Variants in POLR3E observed in about 807,000 individuals in gnomAD.
The protein encoded by POLR3E is DNA-directed RNA polymerase III subunit RPC5.
In POLR3E, 41 loss-of-function variants were observed where a neutral mutation model predicts 96.6. That is an observed-to-expected ratio of 0.42 (90% CI 0.33 to 0.55). POLR3E has a LOEUF of 0.55. Among genes scored for constraint, POLR3E ranks in the 20% least tolerant of loss-of-function variants. The probability of loss-of-function intolerance (pLI) is 0.06; values close to 1 mark genes in which losing one functional copy is unlikely to be tolerated. For synonymous variants in POLR3E, 396 were observed against 383.6 expected (o/e 1.03, Z -0.38); for missense variants, 849 against 952.1 (o/e 0.89, Z 1.43).
chr16:22,303,791 T>TCA (rs2048077567), intron 2 of POLR3E, among the ~76,000 whole-genome samples: 1 of 147,258 alleles, frequency 6.8e-6, no homozygotes, highest in African/African-American at 2.5e-5. Flanking sequence ...CAGGTGCCCA[T>TCA]CACCACGCCC....
Position 22,305,198 on chromosome 16 carries a change from C to T in POLR3E, c.79C>T (p.Leu27=). ...CAAGAGTCTGGCGGAAAAGCTGTAT[C>T]TATTTCAGGTAATTATGGGACTTGA... The part of the protein sequence containing the change: ...LAKSLAEKLY[L]FQYPVRPASM... The change falls in exon 3 of 21, where the codon CTA becomes TTA. Residue 27 remains leucine (L), a synonymous_variant. Coordinates refer to ENST00000299853, the MANE Select transcript of POLR3E (RefSeq NM_018119.4). 6.2e-7 allele frequency: 1 copy of T among 1,611,076 alleles called. No homozygotes were observed. The highest frequency in any genetic ancestry group is 1.7e-5 in the Admixed American group (1 of 59,946).
At chr16:22,301,008 C>T (rs764502811) in intron 1 of POLR3E, among the ~76,000 whole-genome samples, 25 of 151,766 alleles carry the variant, frequency 1.6e-4, no homozygotes, top group Non-Finnish European at 2.8e-4. Flanking sequence ...TGGTGATAGA[C>T]ACCTGCTATG....
intron 2 of POLR3E, among the ~76,000 whole-genome samples, chr16:22,303,274 C>CCT (rs1228937618): frequency 5.3e-5 from 8 of 152,116 alleles, no homozygotes; most frequent in Non-Finnish European, 1.2e-4. Flanking sequence ...CCCTCCCGTG[C>CCT]CTCTCTCTGC....
rs766635425 is a variant in POLR3E, at chr16:22,326,042, A to G, written c.1630A>G (p.Ser544Gly). Residue 544 changes from serine (S) to glycine (G), a missense_variant, in exon 18 of 21, where the codon AGC (serine) becomes GGC (glycine). Physicochemically the swap from Ser to Gly is moderately conservative, Grantham distance 56 (BLOSUM62 0). Coordinates refer to ENST00000299853, the MANE Select transcript of POLR3E (RefSeq NM_018119.4). ...TCTCGGGCGGGCTGCGGGCACAGAC[A>G]GCTTCAACGGGCACCCGCCCCAGGG... ...LPLGRAAGTD[S>G]FNGHPPQGCA... The G allele has an allele frequency of 6.2e-7, 1 of 1,605,300 alleles. No homozygotes were observed. The highest frequency in any genetic ancestry group is 1.1e-5 in the South Asian group (1 of 90,182).
Position 22,322,959 on chromosome 16 carries a change from C to T in POLR3E, c.1068+28C>T, listed in dbSNP as rs1277033726. ...AAGTACCTTGGGTTCTCTGGACTCA[C>T]GGTGGGGGCGTGGGAAGAGGGGGGC... is the stretch of plus-strand genomic sequence containing the variant. On this transcript the variant is annotated intron_variant, in intron 14 of 20. Coordinates refer to ENST00000299853, the MANE Select transcript of POLR3E (RefSeq NM_018119.4). This position sits in a 1 kb window ranked among gnomAD's most constrained non-coding sequence, Gnocchi z 5.2. 1.2e-5 allele frequency: 18 copies of T among 1,507,072 alleles called. No individual in the cohort carries two copies. The highest frequency in any genetic ancestry group is 1.7e-5 in the Admixed American group (1 of 58,136). The allele number at this position is 1,507,072 out of a possible 1,614,324, so 93.4% of individuals were successfully genotyped here.
intron 3 of POLR3E, among the ~76,000 whole-genome samples, chr16:22,306,099 C>T (rs1340266642): frequency 6.6e-6 from 1 of 152,146 alleles, no homozygotes; most frequent in African/African-American, 2.4e-5. Flanking sequence ...AACCATTCCC[C>T]TTATTTTCTG....
rs149977386 is a variant in POLR3E at position 22,328,863 on chromosome 16, C to T, written c.1944+276C>T. ...AATACAGGCTGGGCGTAGTGGCTCA[C>T]GCCTGTAATCCCAGCACTTTGGGAG... On this transcript the variant is annotated intron_variant, in intron 19 of 20. Coordinates refer to ENST00000299853, the MANE Select transcript of POLR3E (RefSeq NM_018119.4). 2.3e-4 allele frequency: 85 copies of T among 375,972 alleles called. 1 individual carries two copies. The highest frequency in any genetic ancestry group is 1.3e-3 in the African/African-American group (64 of 47,794). 23.3% of individuals were successfully genotyped at this position (375,972 alleles called of 1,614,324 possible). A position where few individuals can be genotyped will look rare whatever the true frequency, so the allele number is the denominator to read the frequency against.
rs575116473 is a variant in POLR3E at position 22,334,255 on chromosome 16, A to G, written c.*555A>G. ...CCTTTGACAACAACCTACTTTATGTAGCAGTCTCAACTGTTTACATGAACC... is the reference window on the plus strand; with the variant it reads ...CCTTTGACAACAACCTACTTTATGTGGCAGTCTCAACTGTTTACATGAACC... On this transcript the variant is annotated 3_prime_UTR_variant, in exon 21 of 21. Transcript: ENST00000299853. 1 of 152,480 alleles carries G rather than the reference A, an allele frequency of 6.6e-6. No individual in the cohort carries two copies. The highest frequency in any genetic ancestry group is 2.4e-5 in the African/African-American group (1 of 41,590). The allele number at this position is 152,480 out of a possible 1,614,324, so 9.4% of individuals were successfully genotyped here.
At chr16:22,321,022 G>A (rs760085527) in intron 13 of POLR3E, among the ~76,000 whole-genome samples, 1 of 152,130 alleles carries the variant, frequency 6.6e-6, no homozygotes, top group Non-Finnish European at 1.5e-5. Context: ...CTCTGCTGGG[G>A]ATCACAGGTC....
chr16:22,321,147 C>T (rs948127803), intron 13 of POLR3E, among the ~76,000 whole-genome samples: 13 of 152,206 alleles, frequency 8.5e-5, no homozygotes, highest in Admixed American at 7.9e-4. Context: ...TCTGTTTTGA[C>T]TCCTGCTTTA....
rs768050003 is a variant in POLR3E at position 22,313,854 on chromosome 16, A to G, written c.472+127A>G. The stretch of plus-strand genomic sequence containing the variant: ...CCCTGGCCTCTACCTACTAGATGCC[A>G]GAAGCACCCACCCCACAGTCGTGAC... On this transcript the variant is annotated intron_variant, in intron 7 of 20. Coordinates refer to ENST00000299853, the MANE Select transcript of POLR3E (RefSeq NM_018119.4). The surrounding 1 kb of genome is among the most constrained non-coding windows in gnomAD (Gnocchi z 4.1). 2.2e-4 allele frequency: 156 copies of G among 713,802 alleles called. No individual in the cohort carries two copies. Among genetic ancestry groups the G allele is most frequent in the Non-Finnish European group, 4.6e-5 (19 of 415,178 alleles). The allele number at this position is 713,802 out of a possible 1,614,324, so 44.2% of individuals were successfully genotyped here. A position where few individuals can be genotyped will look rare whatever the true frequency, so the allele number is the denominator to read the frequency against.
chr16:22,305,302 C>T (rs1389001691), intron 3 of POLR3E, 96 bp downstream of exon 3: 13 of 891,802 alleles, frequency 1.5e-5, no homozygotes, highest in Non-Finnish European at 5.7e-6. Flanking sequence ...GAAACCTCAG[C>T]TAGGGTTCTC....
At chr16:22,319,927 C>G (rs1046608737) in intron 13 of POLR3E, among the ~76,000 whole-genome samples, 8 of 152,114 alleles carry the variant, frequency 5.3e-5, no homozygotes, top group African/African-American at 1.9e-4. Context: ...ACCCTTTGTC[C>G]TGCCTACATT....
intron 14 of POLR3E, among the ~76,000 whole-genome samples, chr16:22,323,506 G>T (rs1038097500): frequency 2.0e-5 from 3 of 152,050 alleles, no homozygotes; most frequent in Non-Finnish European, 4.4e-5. Flanking sequence ...TGGCTGAAAC[G>T]TGCTGCCCAG....
chr16:22,306,442 A>G (rs747019610), intron 3 of POLR3E, among the ~76,000 whole-genome samples: 11 of 151,986 alleles, frequency 7.2e-5, no homozygotes, highest in Non-Finnish European at 5.9e-5. Context: ...TTTAGTAGAG[A>G]TGGGGTTTCA....
chr16:22,328,724 G>C, intron 19 of POLR3E, 137 bp downstream of exon 19: 1 of 714,944 alleles, frequency 1.4e-6, no homozygotes, highest in Non-Finnish European at 2.6e-6. Context: ...TAAATATCCT[G>C]CTCCAACTCT....
chr16:22,300,254 A>G (rs1246979790), intron 1 of POLR3E, among the ~76,000 whole-genome samples: 1 of 152,218 alleles, frequency 6.6e-6, no homozygotes, highest in Non-Finnish European at 1.5e-5. Flanking sequence ...CAGTTATGCA[A>G]CTGTATGTAT....
intron 17 of POLR3E, chr16:22,325,507 GCTCA>G (rs2048561833): frequency 3.3e-6 from 2 of 608,742 alleles, no homozygotes. Context: ...GGTCTCTGAG[GCTCA>G]CTCACCCTCT....
In POLR3E at chr16:22,326,050, C is replaced by T. The variant is rs755304395; in HGVS notation, c.1638C>T (p.Asn546=). The T allele has an allele frequency of 2.1e-5, 33 of 1,606,104 alleles. No individual in the cohort carries two copies. Among genetic ancestry groups the T allele is most frequent in the Admixed American group, 1.2e-4 (7 of 59,476 alleles). The change falls in exon 18 of 21, where the codon AAC becomes AAT. Residue 546 remains asparagine (N), a synonymous_variant. Transcript: ENST00000299853. Reference sequence around the variant, plus strand: ...GGGCTGCGGGCACAGACAGCTTCAACGGGCACCCGCCCCAGGGCTGCGCCA... The same window carrying T: ...GGGCTGCGGGCACAGACAGCTTCAATGGGCACCCGCCCCAGGGCTGCGCCA... The part of the protein sequence containing the change: ...LGRAAGTDSF[N]GHPPQGCAST...
Sources: gnomAD v4.1 joint callset for allele counts (sites outside exome capture counted in the v4.1 genomes callset) on GRCh38, gnomAD v4.1.1 for gene constraint, Gnocchi (gnomAD v3.1) non-coding constraint, MANE v1.5 for transcripts, NCBI Gene and HGNC (gene_info 2026-07-23, HGNC 2026-07-21) for gene names.